Variants in HS6ST3 observed in about 807,000 individuals in gnomAD.
HS6ST3 encodes the protein heparan sulfate 6-O-sulfotransferase 3.
In HS6ST3, 12 loss-of-function variants were observed where a neutral mutation model predicts 36.7. That is an observed-to-expected ratio of 0.33 (90% CI 0.21 to 0.53). The LOEUF is 0.53. Among genes scored for constraint, HS6ST3 ranks in the 20% least tolerant of loss-of-function variants. The pLI is 0.95. For missense variants in HS6ST3, 584 were observed against 640.9 expected (o/e 0.91, Z 0.96); for synonymous variants, 240 against 257.5 (o/e 0.93, Z 0.65).
At chr13:96,771,232 G>A (rs1877255237) in intron 1 of HS6ST3, among the ~76,000 whole-genome samples, 1 of 146,170 alleles carries the variant, frequency 6.8e-6, no homozygotes, top group South Asian at 2.2e-4. Context: ...GAGAACACTT[G>A]GACACAGGAA....
chr13:96,100,187 T>C (rs2139294437), intron 1 of HS6ST3, among the ~76,000 whole-genome samples: 1 of 152,208 alleles, frequency 6.6e-6, no homozygotes, highest in Non-Finnish European at 1.5e-5. Flanking sequence ...TATGCAATGG[T>C]TTGTCTCAAT....
intron 1 of HS6ST3, among the ~76,000 whole-genome samples, chr13:96,290,434 C>T (rs1002085500): frequency 2.6e-5 from 4 of 152,168 alleles, no homozygotes; most frequent in Non-Finnish European, 5.9e-5. Flanking sequence ...TCCCAGAAGA[C>T]ACCCTGACAA....
intron 1 of HS6ST3, among the ~76,000 whole-genome samples, chr13:96,466,213 G>A (rs1279342536): frequency 1.3e-5 from 2 of 152,186 alleles, no homozygotes; most frequent in African/African-American, 4.8e-5. Flanking sequence ...CCCGGGAGGC[G>A]GAGGTTGCAG....
chr13:96,759,226 C>A (rs1876907847), intron 1 of HS6ST3, among the ~76,000 whole-genome samples: 1 of 151,758 alleles, frequency 6.6e-6, no homozygotes, highest in Admixed American at 6.6e-5. Flanking sequence ...TAGTTGGGCC[C>A]TACATTTTTA....
intron 1 of HS6ST3, among the ~76,000 whole-genome samples, chr13:96,775,525 A>C (rs1361189365): frequency 1.3e-5 from 2 of 152,082 alleles, no homozygotes; most frequent in African/African-American, 4.8e-5. Context: ...GAAAAAAAAA[A>C]AAAGCAGGGG....
chr13:96,381,159 C>G (rs759520515), intron 1 of HS6ST3, among the ~76,000 whole-genome samples: 1 of 152,192 alleles, frequency 6.6e-6, no homozygotes, highest in Non-Finnish European at 1.5e-5. Context: ...CTTATCCATG[C>G]TTGAGGCAAT....
rs1448759577 is a variant in HS6ST3, at chr13:96,832,652, G to C, written c.870G>C (p.Trp290Cys). 3.1e-6 allele frequency: 5 copies of C among 1,614,144 alleles called. No individual in the cohort carries two copies. Among genetic ancestry groups the C allele is most frequent in the Non-Finnish European group, 4.2e-6 (5 of 1,180,000 alleles). The change falls in exon 2 of 2, where the codon TGG (tryptophan) becomes TGC (cysteine). Residue 290 changes from tryptophan to cysteine, a missense_variant. This residue lies in a region of HS6ST3 where 360 missense variants were observed against 411.3 expected (regional missense o/e 0.88). Transcript: ENST00000376705. ...CTACCTGCTACCCTGGGGATGACTG[G>C]TCTGGGGTCAGCTTGCGGGAGTTTA... is the stretch of plus-strand genomic sequence containing the variant. ...ELPTCYPGDD[W>C]SGVSLREFMD...
intron 1 of HS6ST3, among the ~76,000 whole-genome samples, chr13:96,568,988 G>A (rs2056291513): frequency 6.6e-6 from 1 of 152,144 alleles, no homozygotes; most frequent in South Asian, 2.1e-4. Context: ...AGGTAACACT[G>A]TCTAACCATA....
Position 96,614,316 on chromosome 13 carries a change from A to T in HS6ST3, c.708-218174A>T, listed in dbSNP as rs112531812. Among the ~76,000 whole-genome samples, 1,489 of 149,206 alleles carry T rather than the reference A, an allele frequency of 1.0e-2. 48 individuals are homozygous for T. Among genetic ancestry groups the T allele is most frequent in the African/African-American group, 0.031 (1,236 of 40,008 alleles). Reference sequence around the variant, plus strand: ...CCATCTCAAAAAAAAAAAAAAAAAAAAAAAAAAAAAAACAGTTATTACCAG... The same window carrying T: ...CCATCTCAAAAAAAAAAAAAAAAAATAAAAAAAAAAAACAGTTATTACCAG... On this transcript the variant is annotated intron_variant, in intron 1 of 1. Transcript: ENST00000376705.
intron 1 of HS6ST3, among the ~76,000 whole-genome samples, chr13:96,437,198 T>C (rs901770819): frequency 6.6e-6 from 1 of 152,226 alleles, no homozygotes; most frequent in Non-Finnish European, 1.5e-5. Context: ...CTCCCTGTTC[T>C]TCATGCACAT....
intron 1 of HS6ST3, among the ~76,000 whole-genome samples, chr13:96,812,594 C>G (rs1878339532): frequency 6.6e-6 from 1 of 152,190 alleles, no homozygotes; most frequent in South Asian, 2.1e-4. Context: ...GATGATCTAT[C>G]TGCACAGAAC....
intron 1 of HS6ST3, among the ~76,000 whole-genome samples, chr13:96,105,498 A>G (rs1004418840): frequency 1.3e-5 from 2 of 152,088 alleles, no homozygotes; most frequent in African/African-American, 2.4e-5. Context: ...TAAAAATACA[A>G]AAATTATCCA....
intron 1 of HS6ST3, among the ~76,000 whole-genome samples, chr13:96,758,136 A>AT (rs1289660970): frequency 6.6e-5 from 10 of 151,406 alleles, no homozygotes; most frequent in Non-Finnish European, 1.3e-4. Context: ...TTAGCTATTC[A>AT]TTTTTTTCTA....
intron 1 of HS6ST3, among the ~76,000 whole-genome samples, chr13:96,780,005 G>C (rs1019642825): frequency 6.6e-6 from 1 of 152,120 alleles, no homozygotes; most frequent in Admixed American, 6.6e-5. Context: ...CAAAGAACTA[G>C]GACAAGGTAA....
intron 1 of HS6ST3, among the ~76,000 whole-genome samples, chr13:96,213,796 G>T (rs548798478): frequency 3.5e-4 from 53 of 152,120 alleles, no homozygotes; most frequent in Non-Finnish European, 7.5e-4. Flanking sequence ...GGGTCCCAAA[G>T]GATATGTTTG....
At chr13:96,247,390 G>A (rs748916429) in intron 1 of HS6ST3, among the ~76,000 whole-genome samples, 6 of 152,030 alleles carry the variant, frequency 3.9e-5, no homozygotes, top group Non-Finnish European at 5.9e-5. Flanking sequence ...TTGGATCGTG[G>A]GGGTGGTTTC....
At chr13:96,391,313 C>T (rs9584363) in intron 1 of HS6ST3, among the ~76,000 whole-genome samples, 2,257 of 152,198 alleles carry the variant, frequency 0.015, 63 homozygotes, top group African/African-American at 0.051. Flanking sequence ...TATAGTTGAT[C>T]CTCATTATTC....
chr13:96,474,203 C>T (rs1348521841), intron 1 of HS6ST3, among the ~76,000 whole-genome samples: 2 of 152,132 alleles, frequency 1.3e-5, no homozygotes, highest in African/African-American at 4.8e-5. Context: ...AATGTTACGG[C>T]TCTGCATTAA....
At chr13:96,546,557 A>G (rs1448191999) in intron 1 of HS6ST3, among the ~76,000 whole-genome samples, 1 of 152,196 alleles carries the variant, frequency 6.6e-6, no homozygotes, top group African/African-American at 2.4e-5. Flanking sequence ...AAATGAGATG[A>G]AATAGCTTTA....
Sources: allele counts gnomAD v4.1 joint callset (sites outside exome capture counted in the v4.1 genomes callset), GRCh38; gene constraint gnomAD v4.1.1; regional missense constraint gnomAD v4.1.1; transcripts MANE v1.5; gene names NCBI Gene and HGNC (gene_info 2026-07-23, HGNC 2026-07-21).